The following LRMDA variants were observed in gnomAD, a reference collection of about 807,000 sequenced individuals.
The protein encoded by LRMDA is leucine-rich melanocyte differentiation-associated protein.
Under a neutral mutation model 29.8 loss-of-function variants are expected in LRMDA, and 18 were observed. The ratio of observed to expected loss-of-function variants is 0.60; its 90% confidence interval spans 0.42 to 0.90. The LOEUF is 0.90. Among genes scored for constraint, LRMDA ranks in the 40% least tolerant of loss-of-function variants. The pLI is 0.00. For missense variants in LRMDA, 273 were observed against 273.9 expected (o/e 1.00, Z 0.02); for synonymous variants, 125 against 109.4 (o/e 1.14, Z -0.89).
At chr10:76,153,932 G>A (rs1850492474) in intron 5 of LRMDA, among the ~76,000 whole-genome samples, 1 of 152,176 alleles carries the variant, frequency 6.6e-6, no homozygotes, top group South Asian at 2.1e-4. Flanking sequence ...GTTGGCAGTG[G>A]CCATATGGAC....
intron 2 of LRMDA, among the ~76,000 whole-genome samples, chr10:75,786,144 A>G (rs1843468868): frequency 6.6e-6 from 1 of 152,224 alleles, no homozygotes; most frequent in Admixed American, 6.5e-5. Flanking sequence ...GTTGGTTATT[A>G]CATTGTTCAG....
chr10:76,006,808 A>C (rs1159972408), intron 2 of LRMDA, among the ~76,000 whole-genome samples: 1 of 152,196 alleles, frequency 6.6e-6, no homozygotes, highest in Admixed American at 6.5e-5. Flanking sequence ...CTTTTTAAAA[A>C]GACGTGGCTT....
chr10:76,511,324 G>T (rs1346254188), intron 6 of LRMDA, among the ~76,000 whole-genome samples: 1 of 152,030 alleles, frequency 6.6e-6, no homozygotes, highest in Non-Finnish European at 1.5e-5. Flanking sequence ...AAGTTTACGT[G>T]GTTTGACTTC....
At chr10:76,390,112 G>A (rs1841705568) in intron 6 of LRMDA, among the ~76,000 whole-genome samples, 1 of 152,116 alleles carries the variant, frequency 6.6e-6, no homozygotes, top group African/African-American at 2.4e-5. Context: ...TACCAACAAT[G>A]CACATGATTC....
At chr10:76,167,678 G>C (rs1164590512) in intron 5 of LRMDA, among the ~76,000 whole-genome samples, 1 of 152,028 alleles carries the variant, frequency 6.6e-6, no homozygotes, top group Non-Finnish European at 1.5e-5. Context: ...GTTTGAAGTT[G>C]GGTAGTATGA....
chr10:75,776,834 T>C (rs1019841599), intron 2 of LRMDA, among the ~76,000 whole-genome samples: 5 of 152,254 alleles, frequency 3.3e-5, no homozygotes, highest in African/African-American at 9.6e-5. Context: ...AGCTCACTGA[T>C]GGTTGTCTTT....
At chr10:75,896,764 T>A (rs1295647222) in intron 2 of LRMDA, among the ~76,000 whole-genome samples, 2 of 152,198 alleles carry the variant, frequency 1.3e-5, no homozygotes, top group East Asian at 1.9e-4. Flanking sequence ...TCTCTCTTAC[T>A]TGGGACCTGT....
chr10:76,034,692 C>G (rs1003695716), intron 2 of LRMDA, among the ~76,000 whole-genome samples: 4 of 152,206 alleles, frequency 2.6e-5, no homozygotes, highest in African/African-American at 9.7e-5. Flanking sequence ...ACACTCACAG[C>G]AGATGTGCAG....
At chr10:76,416,269 G>A (rs1842013394) in intron 6 of LRMDA, among the ~76,000 whole-genome samples, 1 of 152,204 alleles carries the variant, frequency 6.6e-6, no homozygotes, top group African/African-American at 2.4e-5. Context: ...GGGAAATGGA[G>A]TGCCACCTGG....
chr10:75,878,811 G>A (rs544186543), intron 2 of LRMDA, among the ~76,000 whole-genome samples: 2 of 152,174 alleles, frequency 1.3e-5, no homozygotes, highest in African/African-American at 4.8e-5. Context: ...GGCCCCAGGT[G>A]TTCTCCTGCT....
At chr10:76,214,054 G>C (rs1360931612) in intron 5 of LRMDA, among the ~76,000 whole-genome samples, 1 of 152,162 alleles carries the variant, frequency 6.6e-6, no homozygotes, top group African/African-American at 2.4e-5. Context: ...GGAGGTGAGG[G>C]AGACAGGAGT....
At chr10:75,663,387 A>C (rs553030923) in intron 2 of LRMDA, among the ~76,000 whole-genome samples, 4 of 152,196 alleles carry the variant, frequency 2.6e-5, no homozygotes, top group Admixed American at 2.6e-4. Flanking sequence ...TGTCTAATTT[A>C]ACCAGTCTGA....
intron 5 of LRMDA, among the ~76,000 whole-genome samples, chr10:76,110,965 C>A (rs1006622838): frequency 1.3e-5 from 2 of 152,172 alleles, no homozygotes; most frequent in Admixed American, 6.5e-5. Flanking sequence ...GTCCCTACCC[C>A]CTACTCATCT....
intron 6 of LRMDA, among the ~76,000 whole-genome samples, chr10:76,365,073 C>T (rs111618130): frequency 0.011 from 445 of 41,400 alleles, 4 homozygotes; most frequent in Middle Eastern, 0.036. Context: ...TATATATATA[C>T]ACACACACAC....
chr10:76,437,932 T>C (rs1842261608), intron 6 of LRMDA, among the ~76,000 whole-genome samples: 1 of 152,194 alleles, frequency 6.6e-6, no homozygotes, highest in Non-Finnish European at 1.5e-5. Flanking sequence ...ATCACTGATT[T>C]TCAGATGAGG....
At position 76,285,612 on chromosome 10, in the gene LRMDA, C is replaced by A. The variant is rs185981199; in HGVS notation, c.517-38789C>A. On this transcript the variant is annotated intron_variant, in intron 5 of 6. Transcript: ENST00000611255. ...CCTATGTATTATTCCAGGTTTTATGCCCCTGAGGGTCTTTTAGCTGGAGAC... is the reference window on the plus strand; with the variant it reads ...CCTATGTATTATTCCAGGTTTTATGACCCTGAGGGTCTTTTAGCTGGAGAC... Among the ~76,000 whole-genome samples the A allele has an allele frequency of 3.2e-3, 492 of 152,130 alleles. 3 individuals are homozygous for A. The highest frequency in any genetic ancestry group is 0.011 in the African/African-American group (461 of 41,500).
intron 2 of LRMDA, among the ~76,000 whole-genome samples, chr10:75,769,091 T>A (rs900261593): frequency 6.6e-6 from 1 of 152,178 alleles, no homozygotes; most frequent in South Asian, 2.1e-4. Context: ...GTGTTTTGAT[T>A]TCAGAAATTG....
At chr10:76,377,282 C>T (rs7068579) in intron 6 of LRMDA, among the ~76,000 whole-genome samples, 135,467 of 152,196 alleles carry the variant, frequency 0.89, 60,998 homozygotes, top group Non-Finnish European at 0.96. Context: ...GAGTTCCTTG[C>T]AGATTCTGGA....
At chr10:76,054,857 A>G (rs1848583907) in intron 4 of LRMDA, among the ~76,000 whole-genome samples, 1 of 151,558 alleles carries the variant, frequency 6.6e-6, no homozygotes, top group Non-Finnish European at 1.5e-5. Context: ...TGAGGTCAGG[A>G]GTTTGAGTCC....
Sources: gnomAD v4.1 joint callset for allele counts (sites outside exome capture counted in the v4.1 genomes callset) on GRCh38, gnomAD v4.1.1 for gene constraint, MANE v1.5 for transcripts, NCBI Gene and HGNC (gene_info 2026-07-23, HGNC 2026-07-21) for gene names.